BICD1: variants seen among roughly 807,000 people sequenced by gnomAD.
BICD1 encodes BICD cargo adaptor 1.
In BICD1, 35 loss-of-function variants were observed where a neutral mutation model predicts 92.5. The ratio of observed to expected loss-of-function variants is 0.38; its 90% CI spans 0.29 to 0.50. The LOEUF (loss-of-function observed/expected upper bound fraction) is 0.50. Among genes scored for constraint, BICD1 ranks in the 20% least tolerant of loss-of-function variants. BICD1 has a pLI of 0.93. For synonymous variants in BICD1, 429 were observed against 465.1 expected (o/e 0.92, Z 1.00); for missense variants, 950 against 1,189.8 (o/e 0.80, Z 2.97).
chr12:32,196,094 T>A (rs763266879), intron 1 of BICD1, among the ~76,000 whole-genome samples: 34 of 152,224 alleles, frequency 2.2e-4, no homozygotes, highest in Non-Finnish European at 1.3e-4. Flanking sequence ...CACCATGAGC[T>A]ATCACCTTGC....
At chr12:32,202,272 T>A (rs1944926650) in intron 1 of BICD1, among the ~76,000 whole-genome samples, 1 of 152,100 alleles carries the variant, frequency 6.6e-6, no homozygotes, top group African/African-American at 2.4e-5. Context: ...ACCTGGTGAG[T>A]AAGAACAAGT....
chr12:32,257,144 C>T (rs561893932), intron 2 of BICD1, among the ~76,000 whole-genome samples: 9 of 129,266 alleles, frequency 7.0e-5, no homozygotes, highest in South Asian at 2.6e-4. Flanking sequence ...ACCGGGGAGG[C>T]GGAGGTTGCA....
chr12:32,377,751 GT>G lies in BICD1; in HGVS notation c.*128del. On this transcript the variant is annotated 3_prime_UTR_variant, in exon 10 of 10. Transcript: ENST00000652176. ...ATGTACAATTGGATTAATGTCCATC[GT>G]TTTGGAAGACGAGAGAAAGTTGAGA... 1.2e-6 allele frequency: 1 copy of G among 828,376 alleles called. No homozygotes were observed. Among genetic ancestry groups the G allele is most frequent in the South Asian group, 1.6e-5 (1 of 63,626 alleles). The allele number at this position is 828,376 out of a possible 1,614,324, so 51.3% of individuals were successfully genotyped here.
intron 3 of BICD1, among the ~76,000 whole-genome samples, chr12:32,301,526 G>A (rs1304593250): frequency 1.3e-5 from 2 of 152,016 alleles, no homozygotes; most frequent in African/African-American, 4.8e-5. Flanking sequence ...TGTAATCCCA[G>A]CACTTCGGGA....
chr12:32,361,981 CT>C (rs1164838418), intron 8 of BICD1, among the ~76,000 whole-genome samples: 3 of 152,194 alleles, frequency 2.0e-5, no homozygotes, highest in African/African-American at 7.2e-5. Flanking sequence ...AGAAGTGTTC[CT>C]TGTCTCCTAC....
At chr12:32,209,551 C>T (rs1267036974) in intron 1 of BICD1, among the ~76,000 whole-genome samples, 1 of 152,168 alleles carries the variant, frequency 6.6e-6, no homozygotes, top group Non-Finnish European at 1.5e-5. Context: ...CACTAGCCAA[C>T]CCTTTTCTTC....
rs563717202 is a variant in BICD1 at position 32,380,953 on chromosome 12, G to A, written c.*3326G>A. The A allele has an allele frequency of 4.6e-5, 7 of 152,140 alleles. No individual in the cohort carries two copies. In the South Asian group the frequency reaches 1.0e-3, roughly 23 times the overall value. 9.4% of individuals were successfully genotyped at this position (152,140 alleles called of 1,614,324 possible). The stretch of plus-strand genomic sequence containing the variant: ...AGATTTTTAACACTGGGAAATTAAC[G>A]TGGAAATTGATAATCATAAAGAATA... On this transcript the variant is annotated 3_prime_UTR_variant, in exon 10 of 10. Transcript: ENST00000652176.
At chr12:32,271,117 A>G (rs1330622258) in intron 2 of BICD1, among the ~76,000 whole-genome samples, 1 of 152,194 alleles carries the variant, frequency 6.6e-6, no homozygotes, top group African/African-American at 2.4e-5. Flanking sequence ...TGGAGCCCCT[A>G]TGTGGAACTT....
intron 1 of BICD1, among the ~76,000 whole-genome samples, chr12:32,171,260 G>A (rs1444200053): frequency 1.3e-5 from 2 of 152,204 alleles, no homozygotes; most frequent in African/African-American, 4.8e-5. Context: ...GGTGTCCCAT[G>A]CCCTTTTCCC....
intron 1 of BICD1, among the ~76,000 whole-genome samples, chr12:32,142,448 T>TCCATC (rs1565543647): frequency 3.3e-4 from 17 of 51,130 alleles, no homozygotes; most frequent in African/African-American, 1.0e-3. Context: ...ACCCCACCTA[T>TCCATC]CTATCCTATC....
rs183634980 is a variant in BICD1, at chr12:32,207,654, T to C, written c.214-8593T>C. ...TTTCTCAAATGGACGGACTTTATAATTGGGTGGAGTTATGTTAAAAGCTAG... is the reference window on the plus strand; with the variant it reads ...TTTCTCAAATGGACGGACTTTATAACTGGGTGGAGTTATGTTAAAAGCTAG... On this transcript the variant is annotated intron_variant, in intron 1 of 9. Transcript: ENST00000652176. 3.3e-5 allele frequency among the ~76,000 whole-genome samples: 5 copies of C among 152,290 alleles called. No homozygotes were observed. The East Asian group carries it at 7.7e-4, about 23-fold the overall frequency.
chr12:32,147,470 T>G (rs1463141888), intron 1 of BICD1, among the ~76,000 whole-genome samples: 1 of 149,340 alleles, frequency 6.7e-6, no homozygotes. Context: ...CTTCTTCTTG[T>G]TAGTTACGAT....
chr12:32,164,447 T>C (rs1334536403), intron 1 of BICD1, among the ~76,000 whole-genome samples: 1 of 152,196 alleles, frequency 6.6e-6, no homozygotes, highest in Non-Finnish European at 1.5e-5. Context: ...CTAAAGAAAG[T>C]TTACTACCAC....
chr12:32,199,325 CA>C (rs1944833376), intron 1 of BICD1, among the ~76,000 whole-genome samples: 2 of 152,120 alleles, frequency 1.3e-5, no homozygotes, highest in Non-Finnish European at 2.9e-5. Flanking sequence ...TCCATGGTCA[CA>C]GGGGGCCCAG....
At chr12:32,108,689 A>G in intron 1 of BICD1, 1 of 697,532 alleles carries the variant, frequency 1.4e-6, no homozygotes, top group Non-Finnish European at 2.6e-6. Context: ...TTGCCTTCCA[A>G]TTTAGTGTGT....
Position 32,246,054 on chromosome 12 carries a change from A to G in BICD1, c.426+29595A>G, listed in dbSNP as rs111902690. Among the ~76,000 whole-genome samples, 1,231 of 140,974 alleles carry G rather than the reference A, an allele frequency of 8.7e-3. 26 individuals are homozygous for G. Among genetic ancestry groups the G allele is most frequent in the African/African-American group, 0.031 (1,160 of 37,300 alleles). 92.5% of individuals were successfully genotyped at this position (140,974 alleles called of 152,430 possible). The stretch of plus-strand genomic sequence containing the variant: ...CAAAAAAAAAAAAAAAAAAAAAAAA[A>G]GGAAAAAGGATGAAATCACAACTTG... On this transcript the variant is annotated intron_variant, in intron 2 of 9. Transcript: ENST00000652176.
chr12:32,267,507 A>G (rs1479892370), intron 2 of BICD1, among the ~76,000 whole-genome samples: 1 of 152,230 alleles, frequency 6.6e-6, no homozygotes, highest in Non-Finnish European at 1.5e-5. Context: ...TGTGTGAGAA[A>G]TATCTATTCC....
At chr12:32,250,773 G>A (rs576512590) in intron 2 of BICD1, among the ~76,000 whole-genome samples, 2 of 152,170 alleles carry the variant, frequency 1.3e-5, no homozygotes, top group South Asian at 2.1e-4. Flanking sequence ...TTGAGCCTAC[G>A]AGTTCAAGAC....
At chr12:32,215,109 A>G (rs1489057776) in intron 1 of BICD1, among the ~76,000 whole-genome samples, 3 of 152,246 alleles carry the variant, frequency 2.0e-5, no homozygotes, top group South Asian at 4.1e-4. Flanking sequence ...GGCGTCTGTA[A>G]TCCCAGCTAC....
Sources: gnomAD v4.1 joint callset for allele counts (sites outside exome capture counted in the v4.1 genomes callset) on GRCh38, gnomAD v4.1.1 for gene constraint, MANE v1.5 for transcripts, NCBI Gene and HGNC (gene_info 2026-07-23, HGNC 2026-07-21) for gene names.